Variants in TANGO6 observed in about 807,000 individuals in gnomAD.
The protein encoded by TANGO6 is transport and golgi organization 6 homolog.
A neutral mutation model predicts 114.2 loss-of-function variants in TANGO6; 90 were observed. That is an observed-to-expected ratio of 0.79 (90% confidence interval 0.66 to 0.94). TANGO6 has a LOEUF of 0.94. Among genes scored for constraint, TANGO6 ranks in the 40% least tolerant of loss-of-function variants. TANGO6 has a pLI of 0.00. For synonymous variants in TANGO6, 477 were observed against 509.8 expected, an observed-to-expected ratio of 0.94 and a Z score of 0.87; for missense variants, 1,274 against 1,315.3, an observed-to-expected ratio of 0.97 and a Z score of 0.49.
intron 15 of TANGO6, among the ~76,000 whole-genome samples, chr16:68,979,192 A>G (rs2152214400): frequency 6.6e-6 from 1 of 151,928 alleles, no homozygotes; most frequent in Admixed American, 6.6e-5. Flanking sequence ...GTGTGCTGAG[A>G]TTAAGGCGTA....
At chr16:69,017,832 TTC>T (rs1312860144) in intron 15 of TANGO6, among the ~76,000 whole-genome samples, 1 of 152,130 alleles carries the variant, frequency 6.6e-6, no homozygotes, top group African/African-American at 2.4e-5. Flanking sequence ...GCAAGCCCCC[TTC>T]CTAACTCCAG....
chr16:68,982,256 A>G (rs1334877844), intron 15 of TANGO6, among the ~76,000 whole-genome samples: 1 of 152,200 alleles, frequency 6.6e-6, no homozygotes, highest in East Asian at 1.9e-4. Flanking sequence ...TAGGGGCCTC[A>G]TTATATGAAT....
chr16:68,853,022 T>G (rs2152152351), intron 1 of TANGO6, among the ~76,000 whole-genome samples: 1 of 152,340 alleles, frequency 6.6e-6, no homozygotes, highest in Non-Finnish European at 1.5e-5. Context: ...TCAGTACATT[T>G]TAGCCATAAA....
chr16:69,069,066 G>A (rs2152242483), intron 17 of TANGO6, among the ~76,000 whole-genome samples: 1 of 152,216 alleles, frequency 6.6e-6, no homozygotes, highest in South Asian at 2.1e-4. Flanking sequence ...CCTTCAGGAG[G>A]CAAACTTATT....
intron 14 of TANGO6, among the ~76,000 whole-genome samples, chr16:68,954,848 TG>T (rs760351254): frequency 2.2e-4 from 33 of 152,246 alleles, no homozygotes; most frequent in Admixed American, 4.6e-4. Context: ...CATTTTCAAA[TG>T]AGATCTAACA....
At chr16:68,988,682 T>TTC (rs1202209734) in intron 15 of TANGO6, among the ~76,000 whole-genome samples, 32 of 149,348 alleles carry the variant, frequency 2.1e-4, no homozygotes, top group African/African-American at 6.3e-4. Context: ...AGAGTTTAAG[T>TTC]TCTCTCTCTC....
intron 12 of TANGO6, 139 bp downstream of exon 12, chr16:68,919,358 AT>A: frequency 1.7e-6 from 2 of 1,172,388 alleles, no homozygotes; most frequent in Non-Finnish European, 1.2e-6. Flanking sequence ...TAGTTTGTTA[AT>A]GAGAATTCTC....
intron 14 of TANGO6, among the ~76,000 whole-genome samples, chr16:68,960,869 T>G (rs1286118667): frequency 2.6e-5 from 4 of 152,210 alleles, no homozygotes; most frequent in African/African-American, 9.6e-5. Flanking sequence ...TGCAGTAGCC[T>G]ATAAAGATGT....
intron 15 of TANGO6, among the ~76,000 whole-genome samples, chr16:69,011,247 G>A (rs917400289): frequency 6.6e-6 from 1 of 152,110 alleles, no homozygotes; most frequent in Non-Finnish European, 1.5e-5. Context: ...GTCTCAAAAA[G>A]AAAAGGGGGG....
chr16:68,950,398 C>T (rs1963459593), intron 14 of TANGO6, among the ~76,000 whole-genome samples: 2 of 152,252 alleles, frequency 1.3e-5, no homozygotes, highest in Admixed American at 6.5e-5. Flanking sequence ...GAAACCCCAT[C>T]TCTACGAAAA....
chr16:68,921,010 G>A (rs888775938), intron 12 of TANGO6, among the ~76,000 whole-genome samples: 2 of 150,546 alleles, frequency 1.3e-5, no homozygotes, highest in African/African-American at 2.4e-5. Context: ...GGCTGAGGCA[G>A]GAGAATGGCG....
Position 68,847,944 on chromosome 16 carries a change from A to G in TANGO6, c.94+4233A>G, listed in dbSNP as rs573908161. ...GAACCCAGGAGGCAGAGGTTGCAGT[A>G]AGCTGAGATCGTACCACTGCACTCC... On this transcript the variant is annotated intron_variant, in intron 1 of 17. Coordinates refer to ENST00000261778, the MANE Select transcript of TANGO6 (RefSeq NM_024562.2). Among the ~76,000 whole-genome samples, 14 of 150,626 alleles carry G rather than the reference A, an allele frequency of 9.3e-5. No individual in the cohort carries two copies. In the East Asian group the frequency reaches 2.5e-3, roughly 27 times the overall value.
intron 3 of TANGO6, among the ~76,000 whole-genome samples, chr16:68,863,445 C>G (rs8056281): frequency 6.6e-6 from 1 of 151,710 alleles, no homozygotes; most frequent in African/African-American, 2.4e-5. Flanking sequence ...TCTCTACTAA[C>G]AATACAAAAA....
intron 15 of TANGO6, among the ~76,000 whole-genome samples, chr16:68,984,924 T>C (rs1326031307): frequency 1.3e-5 from 2 of 152,212 alleles, no homozygotes; most frequent in Non-Finnish European, 2.9e-5. Flanking sequence ...TTCAAGCTTT[T>C]TTTTTCTTTC....
intron 1 of TANGO6, among the ~76,000 whole-genome samples, chr16:68,858,104 C>T (rs1275327940): frequency 6.6e-6 from 1 of 150,908 alleles, no homozygotes; most frequent in Non-Finnish European, 1.5e-5. Flanking sequence ...CACTCTGTCA[C>T]CCAGGCTGGA....
At chr16:68,966,982 G>T (rs1247056375) in intron 14 of TANGO6, among the ~76,000 whole-genome samples, 1 of 152,050 alleles carries the variant, frequency 6.6e-6, no homozygotes, top group African/African-American at 2.4e-5. Context: ...ACGTTGGCCA[G>T]GCTGGTCTCA....
At chr16:69,006,553 G>A (rs1964093445) in intron 15 of TANGO6, among the ~76,000 whole-genome samples, 1 of 151,726 alleles carries the variant, frequency 6.6e-6, no homozygotes, top group Non-Finnish European at 1.5e-5. Flanking sequence ...AGACCAGCCT[G>A]ACCAACATGG....
intron 17 of TANGO6, among the ~76,000 whole-genome samples, chr16:69,080,593 G>A (rs140308198): frequency 1.3e-5 from 2 of 152,274 alleles, no homozygotes; most frequent in Admixed American, 6.5e-5. Flanking sequence ...ATATACACAT[G>A]TGTGCTTGTA....
Position 68,927,811 on chromosome 16 carries a change from G to C in TANGO6, c.2371G>C (p.Ala791Pro). ...QTSHERPTDV[A>P]HSHLEQQQSH... ...CAGTCATGAAAGACCCACTGATGTA[G>C]CTCATAGCCACCTTGAACAACAGCA... Residue 791 changes from alanine (A) to proline (P), a missense_variant, in exon 13 of 18, where the codon GCT (alanine) becomes CCT (proline). Around this residue, in one of 5 missense-constraint regions of TANGO6, gnomAD observed 908 missense variants for 910.2 expected, o/e 1.00. Coordinates refer to ENST00000261778, the MANE Select transcript of TANGO6 (RefSeq NM_024562.2). 6.2e-7 allele frequency: 1 copy of C among 1,613,986 alleles called. No homozygotes were observed. Among genetic ancestry groups the C allele is most frequent in the Non-Finnish European group, 8.5e-7 (1 of 1,179,898 alleles).
Sources: allele counts gnomAD v4.1 joint callset (sites outside exome capture counted in the v4.1 genomes callset), GRCh38; gene constraint gnomAD v4.1.1; regional missense constraint gnomAD v4.1.1; transcripts MANE v1.5; gene names NCBI Gene and HGNC (gene_info 2026-07-23, HGNC 2026-07-21).